Variants in GRID2 observed in about 807,000 individuals in gnomAD.
GRID2 encodes glutamate ionotropic receptor delta type subunit 2.
A neutral mutation model predicts 114.8 loss-of-function variants in GRID2; 33 were observed. The observed-to-expected ratio is 0.29, with a 90% CI of 0.22 to 0.38. The LOEUF is 0.38. Ranked by LOEUF, GRID2 falls within the 10% of genes least tolerant of loss-of-function variation. The probability of loss-of-function intolerance (pLI) is 1.00; values close to 1 mark genes in which losing one functional copy is unlikely to be tolerated. For missense variants in GRID2, 1,184 were observed against 1,257.7 expected, an observed-to-expected ratio of 0.94 and a Z score of 0.89; for synonymous variants, 505 against 449.9, an observed-to-expected ratio of 1.12 and a Z score of -1.55.
At chr4:93,140,122 C>T (rs1217737406) in intron 4 of GRID2, among the ~76,000 whole-genome samples, 6 of 151,270 alleles carry the variant, frequency 4.0e-5, no homozygotes, top group Admixed American at 2.6e-4. Context: ...ATCCCTTAAT[C>T]TCCATTGGAA....
intron 2 of GRID2, among the ~76,000 whole-genome samples, chr4:92,893,547 C>A (rs1454986832): frequency 6.6e-6 from 1 of 152,090 alleles, no homozygotes; most frequent in Non-Finnish European, 1.5e-5. Context: ...TAGCATGATC[C>A]CAAAAGTATG....
At chr4:93,319,225 T>G (rs1176756895) in intron 8 of GRID2, among the ~76,000 whole-genome samples, 1 of 152,094 alleles carries the variant, frequency 6.6e-6, no homozygotes, top group African/African-American at 2.4e-5. Context: ...AGCAAAGATC[T>G]TATTGACCTT....
intron 13 of GRID2, among the ~76,000 whole-genome samples, chr4:93,521,529 G>A (rs1730337857): frequency 6.6e-6 from 1 of 152,022 alleles, no homozygotes; most frequent in South Asian, 2.1e-4. Flanking sequence ...CATGATAAAG[G>A]GTGATGAATG....
chr4:92,430,179 C>T (rs576822540), intron 1 of GRID2, among the ~76,000 whole-genome samples: 1 of 152,096 alleles, frequency 6.6e-6, no homozygotes, highest in Non-Finnish European at 1.5e-5. Flanking sequence ...AATTTTTGCA[C>T]AGACCAATGT....
rs1720935556 is a variant in GRID2 at position 92,451,740 on chromosome 4, T to A, written c.89-138391T>A. ...ACATTGACAATTTGGAACATTCAGA[T>A]TAAGAAAACATTGAGCAATAATTCA... On this transcript the variant is annotated intron_variant, in intron 1 of 15. Transcript: ENST00000282020. Among the ~76,000 whole-genome samples the A allele has an allele frequency of 1.3e-5, 2 of 152,110 alleles. 1 individual carries two copies. The highest frequency in any genetic ancestry group is 4.1e-4 in the South Asian group (2 of 4,828).
At chr4:93,614,156 C>T (rs1022236712) in intron 13 of GRID2, among the ~76,000 whole-genome samples, 15 of 152,192 alleles carry the variant, frequency 9.9e-5, no homozygotes, top group Admixed American at 6.5e-5. Context: ...GGCAATGCCT[C>T]GCCCTGCTTC....
At chr4:92,434,986 A>G (rs1249511996) in intron 1 of GRID2, among the ~76,000 whole-genome samples, 1 of 152,210 alleles carries the variant, frequency 6.6e-6, no homozygotes, top group African/African-American at 2.4e-5. Context: ...TTACTTTTAT[A>G]CTATGAAGGC....
At chr4:93,088,064 AG>A (rs1186197628) in intron 3 of GRID2, among the ~76,000 whole-genome samples, 2 of 152,180 alleles carry the variant, frequency 1.3e-5, no homozygotes, top group African/African-American at 4.8e-5. Flanking sequence ...TATTTTGTAT[AG>A]AAAAAAATAT....
At chr4:92,959,415 T>A (rs988187444) in intron 2 of GRID2, among the ~76,000 whole-genome samples, 7 of 151,984 alleles carry the variant, frequency 4.6e-5, no homozygotes, top group Admixed American at 1.3e-4. Context: ...ATTTTTTTTT[T>A]AATTTTCTGT....
At chr4:92,564,531 A>G (rs1420297281) in intron 1 of GRID2, among the ~76,000 whole-genome samples, 3 of 152,034 alleles carry the variant, frequency 2.0e-5, no homozygotes, top group African/African-American at 7.2e-5. Context: ...TCCTTTTTAA[A>G]TGAAATTGAA....
At chr4:92,493,823 C>A (rs1180217890) in intron 1 of GRID2, among the ~76,000 whole-genome samples, 2 of 152,102 alleles carry the variant, frequency 1.3e-5, no homozygotes, top group Non-Finnish European at 2.9e-5. Context: ...CAATAGGAGA[C>A]CACTAGAAAT....
chr4:93,205,680 G>T (rs1201666315), intron 4 of GRID2, among the ~76,000 whole-genome samples: 4 of 152,032 alleles, frequency 2.6e-5, no homozygotes, highest in Non-Finnish European at 4.4e-5. Context: ...CCCAGTAATG[G>T]GATGGCTGGG....
At chr4:92,714,481 G>T (rs918504966) in intron 2 of GRID2, among the ~76,000 whole-genome samples, 12 of 152,200 alleles carry the variant, frequency 7.9e-5, no homozygotes, top group African/African-American at 2.7e-4. Flanking sequence ...CAGTGCCCCA[G>T]TGGGGACTCT....
intron 1 of GRID2, among the ~76,000 whole-genome samples, chr4:92,443,298 G>A (rs561646583): frequency 2.7e-3 from 406 of 152,242 alleles, no homozygotes; most frequent in Middle Eastern, 0.024. Context: ...AACTACTGTG[G>A]AGTTTGTATT....
At chr4:92,837,637 G>A (rs771928087) in intron 2 of GRID2, among the ~76,000 whole-genome samples, 2 of 152,020 alleles carry the variant, frequency 1.3e-5, no homozygotes, top group East Asian at 1.9e-4. Context: ...ATGGCCAAAG[G>A]TATTTCAACA....
intron 13 of GRID2, among the ~76,000 whole-genome samples, chr4:93,532,334 T>A (rs1332601437): frequency 6.6e-6 from 1 of 152,138 alleles, no homozygotes; most frequent in Non-Finnish European, 1.5e-5. Context: ...AAAGAGTAGC[T>A]ACTCACAAAT....
At chr4:93,047,886 A>AC (rs1726305218) in intron 2 of GRID2, among the ~76,000 whole-genome samples, 1 of 152,066 alleles carries the variant, frequency 6.6e-6, no homozygotes, top group South Asian at 2.1e-4. Flanking sequence ...AAACAAACAA[A>AC]AAAAACACTC....
At chr4:92,640,790 T>G (rs1731303851) in intron 2 of GRID2, among the ~76,000 whole-genome samples, 1 of 151,900 alleles carries the variant, frequency 6.6e-6, no homozygotes, top group African/African-American at 2.4e-5. Context: ...ACCAGGTTAT[T>G]GCAAGCACTT....
At chr4:92,413,411 G>A (rs1391802645) in intron 1 of GRID2, among the ~76,000 whole-genome samples, 1 of 152,106 alleles carries the variant, frequency 6.6e-6, no homozygotes, top group Non-Finnish European at 1.5e-5. Context: ...TGAAGAAGGT[G>A]GAAGAAGAAT....
Sources: allele counts gnomAD v4.1 joint callset (sites outside exome capture counted in the v4.1 genomes callset), GRCh38; gene constraint gnomAD v4.1.1; transcripts MANE v1.5; gene names NCBI Gene and HGNC (gene_info 2026-07-23, HGNC 2026-07-21).